The following ALPK2 variants were observed in gnomAD, a reference collection of about 807,000 sequenced individuals.
ALPK2 encodes the protein alpha kinase 2, also known as alpha-protein kinase 2.
In ALPK2, 127 loss-of-function variants were observed where a neutral mutation model predicts 163.1. The observed-to-expected ratio is 0.78, with a 90% confidence interval of 0.67 to 0.90. The LOEUF (loss-of-function observed/expected upper bound fraction) is 0.90, where lower values mean the gene tolerates loss of function less well. Among genes scored for constraint, ALPK2 ranks in the 40% least tolerant of loss-of-function variants. The pLI is 0.00. For missense variants in ALPK2, 2,360 were observed against 2,589.6 expected (o/e 0.91, Z 1.92); for synonymous variants, 953 against 959.1 (o/e 0.99, Z 0.12).
intron 1 of ALPK2, among the ~76,000 whole-genome samples, chr18:58,619,862 G>A (rs1053746658): frequency 6.6e-6 from 1 of 152,182 alleles, no homozygotes. Flanking sequence ...TCTTAGCAGG[G>A]TTATTCATAA....
rs1363145851 is a variant in ALPK2, at chr18:58,521,625, CTCTT to C, written c.5665+2177_5665+2180del. Among the ~76,000 whole-genome samples, 6 of 50,560 alleles carry C rather than the reference CTCTT, an allele frequency of 1.2e-4. No individual in the cohort carries two copies. The Admixed American group carries it at 1.3e-3, about 11-fold the overall frequency. The allele number at this position is 50,560 out of a possible 152,430, so 33.2% of individuals were successfully genotyped here. ...CATTTCTTTTTCTTTCTTTCTCTCT[CTCTT>C]TTTTTTTTTTTTTTTTTGAGATGGA... On this transcript the variant is annotated intron_variant, in intron 8 of 12. Transcript: ENST00000361673.
Position 58,529,662 on chromosome 18 carries a change from G to A in ALPK2, c.5354-424C>T, listed in dbSNP as rs148226505. Among the ~76,000 whole-genome samples the A allele has an allele frequency of 4.9e-3, 746 of 152,248 alleles. 7 individuals are homozygous for A. The highest frequency in any genetic ancestry group is 7.2e-3 in the Non-Finnish European group (490 of 68,014). ...AAATCTGGATTATCCAAAAAACTAC[G>A]GCTAAGCCCCCAAAATGTAAAAGAC... On this transcript the variant is annotated intron_variant, in intron 5 of 12. Coordinates refer to ENST00000361673, the MANE Select transcript of ALPK2 (RefSeq NM_052947.4).
chr18:58,562,274 C>G (rs540158949), intron 4 of ALPK2, among the ~76,000 whole-genome samples: 8 of 152,354 alleles, frequency 5.3e-5, no homozygotes, highest in African/African-American at 1.9e-4. Context: ...TTCTGTTTCT[C>G]TCTACCATCA....
At chr18:58,590,778 A>T (rs2144209616) in intron 3 of ALPK2, among the ~76,000 whole-genome samples, 1 of 152,248 alleles carries the variant, frequency 6.6e-6, no homozygotes, top group South Asian at 2.1e-4. Context: ...ACATTTACCA[A>T]TTTATTCAGT....
intron 4 of ALPK2, among the ~76,000 whole-genome samples, chr18:58,539,388 C>T (rs549454519): frequency 1.3e-5 from 2 of 152,270 alleles, no homozygotes; most frequent in South Asian, 4.2e-4. Flanking sequence ...AGAAACCTCA[C>T]ATTCTGAGGA....
In ALPK2 at chr18:58,481,693, G is replaced by T; in HGVS notation, c.*130C>A. On this transcript the variant is annotated 3_prime_UTR_variant, in exon 13 of 13. Transcript: ENST00000361673. ...GTGATGGGTTTAGAAGCATCTTGGCGCACAGTCGGCTGGGAGTAAGGATTG... is the reference window on the plus strand; with the variant it reads ...GTGATGGGTTTAGAAGCATCTTGGCTCACAGTCGGCTGGGAGTAAGGATTG... 1.4e-6 allele frequency: 1 copy of T among 715,386 alleles called. No individual in the cohort carries two copies. Among genetic ancestry groups the T allele is most frequent in the Non-Finnish European group, 2.4e-6 (1 of 417,058 alleles). 44.3% of individuals were successfully genotyped at this position (715,386 alleles called of 1,614,324 possible). A position where few individuals can be genotyped will look rare whatever the true frequency, so the allele number is the denominator to read the frequency against.
chr18:58,626,533 A>G (rs1377125004), intron 1 of ALPK2, among the ~76,000 whole-genome samples: 1 of 151,868 alleles, frequency 6.6e-6, no homozygotes, highest in African/African-American at 2.4e-5. Flanking sequence ...CATAGTTTTC[A>G]TCATGATCAC....
intron 3 of ALPK2, among the ~76,000 whole-genome samples, chr18:58,602,289 G>T (rs1392363922): frequency 6.6e-6 from 1 of 152,182 alleles, no homozygotes; most frequent in Admixed American, 6.5e-5. Context: ...CTTTTTATGG[G>T]ATTGCTTGGC....
intron 4 of ALPK2, among the ~76,000 whole-genome samples, chr18:58,558,823 C>G (rs2051808227): frequency 6.6e-6 from 1 of 152,196 alleles, no homozygotes; most frequent in Non-Finnish European, 1.5e-5. Context: ...GCCAGACACA[C>G]AAAAGCCATC....
intron 3 of ALPK2, among the ~76,000 whole-genome samples, chr18:58,603,344 T>C (rs932353084): frequency 8.5e-5 from 13 of 152,258 alleles, no homozygotes; most frequent in African/African-American, 2.7e-4. Context: ...CAACCCTGTA[T>C]ACACTCCATG....
chr18:58,617,689 G>T (rs989262192), intron 1 of ALPK2, among the ~76,000 whole-genome samples: 1 of 152,054 alleles, frequency 6.6e-6, no homozygotes, highest in Non-Finnish European at 1.5e-5. Flanking sequence ...CTAAATATAT[G>T]ATAATTTTGT....
intron 4 of ALPK2, among the ~76,000 whole-genome samples, chr18:58,544,030 C>A (rs532163580): frequency 6.6e-6 from 1 of 152,212 alleles, no homozygotes; most frequent in Non-Finnish European, 1.5e-5. Flanking sequence ...AATTTCTCTA[C>A]TTCCCTACAA....
rs145034816 is a variant in ALPK2, at chr18:58,551,287, C to T, written c.1963-13063G>A. ...CATTCAAGGTGTCGCCAGGGCTGCA[C>T]TCCTCTGGAGGTCCTCCCTTGCCTC... On this transcript the variant is annotated intron_variant, in intron 4 of 12. Coordinates refer to ENST00000361673, the MANE Select transcript of ALPK2 (RefSeq NM_052947.4). Among the ~76,000 whole-genome samples, 61 of 152,308 alleles carry T rather than the reference C, an allele frequency of 4.0e-4. 1 individual carries two copies. The highest frequency in any genetic ancestry group is 1.4e-3 in the African/African-American group (58 of 41,576).
At chr18:58,570,566 G>T (rs577832344) in intron 4 of ALPK2, among the ~76,000 whole-genome samples, 1 of 152,334 alleles carries the variant, frequency 6.6e-6, no homozygotes, top group Admixed American at 6.5e-5. Flanking sequence ...GTGGGCTATG[G>T]TGGCAGTTTG....
intron 4 of ALPK2, among the ~76,000 whole-genome samples, chr18:58,552,484 A>G (rs1017811402): frequency 7.2e-5 from 11 of 152,214 alleles, no homozygotes; most frequent in African/African-American, 2.7e-4. Context: ...CTACAGTAGA[A>G]ATAATCTACT....
intron 12 of ALPK2, among the ~76,000 whole-genome samples, chr18:58,486,995 G>A (rs1165594449): frequency 2.0e-5 from 3 of 152,204 alleles, no homozygotes; most frequent in African/African-American, 7.2e-5. Flanking sequence ...CTTGAGGGTT[G>A]AATCTGGAGC....
chr18:58,507,487 G>C lies in ALPK2; in HGVS notation c.6030-3339C>G, dbSNP rs539104459. Among the ~76,000 whole-genome samples the C allele has an allele frequency of 3.9e-3, 600 of 152,334 alleles. 3 individuals are homozygous for C. The highest frequency in any genetic ancestry group is 0.014 in the African/African-American group (576 of 41,574). On this transcript the variant is annotated intron_variant, in intron 10 of 12. Coordinates refer to ENST00000361673, the MANE Select transcript of ALPK2 (RefSeq NM_052947.4). ...GCAGAGATGGGTGAGCTCCTCTGCTGCCCATGTGGTTCCTTTCTCCCTTGA... is the reference window on the plus strand; with the variant it reads ...GCAGAGATGGGTGAGCTCCTCTGCTCCCCATGTGGTTCCTTTCTCCCTTGA...
intron 4 of ALPK2, among the ~76,000 whole-genome samples, chr18:58,551,611 G>T (rs1443172469): frequency 6.6e-6 from 1 of 152,146 alleles, no homozygotes; most frequent in African/African-American, 2.4e-5. Context: ...CCACTCCATG[G>T]TCTCCCATTT....
rs1252742049 is a variant in ALPK2, at chr18:58,536,162, G to C, written c.4025C>G (p.Ser1342Cys). Residue 1342 changes from serine to cysteine, a missense_variant, in exon 5 of 13, where the codon TCC becomes TGC. Coordinates refer to ENST00000361673, the MANE Select transcript of ALPK2 (RefSeq NM_052947.4). ...CTCCTTTTCATCTACAGGGTCCACG[G>C]ATGACTCCAGGAGTCTGGGTTGGCT... ...GFSQPRLLES[S>C]VDPVDEKELS... is the part of the protein sequence containing the mutation. The C allele has an allele frequency of 6.2e-7, 1 of 1,614,162 alleles. No individual in the cohort carries two copies. The highest frequency in any genetic ancestry group is 1.1e-5 in the South Asian group (1 of 91,078).
Sources: allele counts gnomAD v4.1 joint callset (sites outside exome capture counted in the v4.1 genomes callset), GRCh38; gene constraint gnomAD v4.1.1; transcripts MANE v1.5; gene names NCBI Gene and HGNC (gene_info 2026-07-23, HGNC 2026-07-21).